The following TMEM74 variants were observed in gnomAD, a reference collection of about 807,000 sequenced individuals.
TMEM74 encodes transmembrane protein 74.
A neutral mutation model predicts 18.1 loss-of-function variants in TMEM74; 13 were observed. The observed-to-expected ratio is 0.72, with a 90% CI of 0.47 to 1.14. The LOEUF (loss-of-function observed/expected upper bound fraction) is 1.14. TMEM74 is among the 50% of genes most tolerant of loss of function. TMEM74 has a pLI of 0.00. For synonymous variants in TMEM74, 159 were observed against 146.6 expected (o/e 1.08, Z -0.61); for missense variants, 372 against 375.9 (o/e 0.99, Z 0.09).
At chr8:108,684,281 C>T (rs575358733) in intron 1 of TMEM74, among the ~76,000 whole-genome samples, 1,544 of 151,998 alleles carry the variant, frequency 0.01, 17 homozygotes, top group Non-Finnish European at 0.017. Flanking sequence ...TTTTGTTTTT[C>T]TGATAATAGC....
chr8:108,621,581 T>C (rs1210571685), intron 2 of TMEM74, among the ~76,000 whole-genome samples: 1 of 152,160 alleles, frequency 6.6e-6, no homozygotes, highest in East Asian at 1.9e-4. Context: ...CAGGGTTCTA[T>C]GATGGGAGAC....
chr8:108,691,499 C>G (rs1035436216), intron 1 of TMEM74, among the ~76,000 whole-genome samples: 2 of 152,196 alleles, frequency 1.3e-5, no homozygotes, highest in Non-Finnish European at 2.9e-5. Context: ...ATGACTTCAG[C>G]AGATCTGAAC....
At chr8:108,682,292 C>A (rs1414458000) in intron 1 of TMEM74, among the ~76,000 whole-genome samples, 1 of 152,084 alleles carries the variant, frequency 6.6e-6, no homozygotes, top group Admixed American at 6.6e-5. Flanking sequence ...CCCCACTATG[C>A]TGCCTTCACT....
intron 1 of TMEM74, among the ~76,000 whole-genome samples, chr8:108,672,301 A>G (rs948723200): frequency 2.6e-5 from 4 of 152,170 alleles, no homozygotes; most frequent in Non-Finnish European, 5.9e-5. Flanking sequence ...GAGTCTAGGA[A>G]CCTCAGGCTG....
At chr8:108,776,763 T>A (rs1814238267), downstream of TMEM74, among the ~76,000 whole-genome samples, 2 of 146,148 alleles carry the variant, frequency 1.4e-5, no homozygotes, top group South Asian at 2.2e-4. Flanking sequence ...ATGATGATGA[T>A]GAAGGAAGGG....
chr8:108,609,117 T>A (rs575564589), intron 2 of TMEM74, among the ~76,000 whole-genome samples: 29 of 152,310 alleles, frequency 1.9e-4, no homozygotes, highest in African/African-American at 7.0e-4. Flanking sequence ...TCTTTGATCA[T>A]TGGAGACAAA....
intron 2 of TMEM74, among the ~76,000 whole-genome samples, chr8:108,621,486 A>AT (rs1563734054): frequency 1.3e-5 from 2 of 152,084 alleles, no homozygotes; most frequent in Non-Finnish European, 2.9e-5. Flanking sequence ...GAAGTTGCCC[A>AT]TTTTTTTGTG....
chr8:108,702,676 T>C (rs780327994), intron 1 of TMEM74, among the ~76,000 whole-genome samples: 31 of 152,252 alleles, frequency 2.0e-4, no homozygotes, highest in South Asian at 8.3e-4. Context: ...TATGTATACA[T>C]GTGCCATGTT....
chr8:108,639,030 A>G (rs1486527398), intron 2 of TMEM74, among the ~76,000 whole-genome samples: 1 of 152,102 alleles, frequency 6.6e-6, no homozygotes. Context: ...GATATGAGAC[A>G]TATGTGGAAA....
At chr8:108,613,984 C>T (rs1812359644) in intron 2 of TMEM74, among the ~76,000 whole-genome samples, 1 of 149,808 alleles carries the variant, frequency 6.7e-6, no homozygotes, top group South Asian at 2.1e-4. Context: ...AGGAACCTGA[C>T]ACATAATACT....
intron 1 of TMEM74, among the ~76,000 whole-genome samples, chr8:108,732,922 T>C (rs1813710371): frequency 6.6e-6 from 1 of 151,994 alleles, no homozygotes; most frequent in Non-Finnish European, 1.5e-5. Flanking sequence ...GAATGGCTAA[T>C]ATGCACTTTA....
At chr8:108,755,578 A>G (rs1262282051) in intron 1 of TMEM74, among the ~76,000 whole-genome samples, 1 of 152,126 alleles carries the variant, frequency 6.6e-6, no homozygotes, top group African/African-American at 2.4e-5. Flanking sequence ...TTTCTCCAGG[A>G]CCTAAGTCTG....
chr8:108,705,403 G>C (rs1813387474), intron 1 of TMEM74, among the ~76,000 whole-genome samples: 1 of 152,186 alleles, frequency 6.6e-6, no homozygotes, highest in Non-Finnish European at 1.5e-5. Context: ...AAAAGGAGTT[G>C]TTAATTCCTG....
At position 108,765,200 on chromosome 8, in the gene TMEM74, C is replaced by A. The variant is rs368486559; in HGVS notation, n.119+22276G>T. 6.6e-5 allele frequency among the ~76,000 whole-genome samples: 10 copies of A among 152,198 alleles called. No homozygotes were observed. In the East Asian group the frequency reaches 1.4e-3, roughly 21 times the overall value. On this transcript the variant is annotated intron_variant and non_coding_transcript_variant, in intron 1 of 3. Transcript: ENST00000518838. Reference sequence around the variant, plus strand: ...TGAGTTCCAGGTTTGAACTGGTGATCAGAATTTAGACAATTCTGAGAAAAG... The same window carrying A: ...TGAGTTCCAGGTTTGAACTGGTGATAAGAATTTAGACAATTCTGAGAAAAG...
chr8:108,692,319 G>A (rs1813239742), intron 1 of TMEM74, among the ~76,000 whole-genome samples: 1 of 152,168 alleles, frequency 6.6e-6, no homozygotes, highest in Non-Finnish European at 1.5e-5. Flanking sequence ...TCTAACTTCA[G>A]GCTCAGAAGC....
chr8:108,747,236 CTG>C (rs111291163), intron 1 of TMEM74, among the ~76,000 whole-genome samples: 1 of 150,760 alleles, frequency 6.6e-6, no homozygotes, highest in Admixed American at 6.6e-5. Flanking sequence ...GGGAATTGGC[CTG>C]TGTGTGTGTG....
At chr8:108,688,502 C>A (rs6987363) in intron 1 of TMEM74, among the ~76,000 whole-genome samples, 67,213 of 151,948 alleles carry the variant, frequency 0.44, 15,258 homozygotes, top group East Asian at 0.7. Flanking sequence ...TGGTATCCCT[C>A]CCCTATAACA....
intron 1 of TMEM74, among the ~76,000 whole-genome samples, chr8:108,707,309 A>G (rs993423210): frequency 1.3e-5 from 2 of 150,780 alleles, no homozygotes; most frequent in African/African-American, 4.9e-5. Context: ...TGTTGTGCAC[A>G]TGTACCCTAG....
intron 1 of TMEM74, among the ~76,000 whole-genome samples, chr8:108,730,214 G>A (rs1813679705): frequency 6.6e-6 from 1 of 152,192 alleles, no homozygotes; most frequent in Admixed American, 6.5e-5. Context: ...CTGATCAATA[G>A]AGTGGGGCTG....
Sources: allele counts gnomAD v4.1 joint callset (sites outside exome capture counted in the v4.1 genomes callset), GRCh38; gene constraint gnomAD v4.1.1; transcripts MANE v1.5; gene names NCBI Gene and HGNC (gene_info 2026-07-23, HGNC 2026-07-21).